OSBPL9: variants seen among roughly 807,000 people sequenced by gnomAD.
OSBPL9 encodes oxysterol binding protein like 9, also known as oxysterol-binding protein-related protein 9.
OSBPL9 carries 40 observed loss-of-function variants against 106.6 expected under a neutral mutation model. That is an observed-to-expected ratio of 0.38 (90% CI 0.29 to 0.49). The LOEUF is 0.49. Among genes scored for constraint, OSBPL9 ranks in the 20% least tolerant of loss-of-function variants. OSBPL9 has a pLI of 0.97. For missense variants in OSBPL9, 609 were observed against 887.2 expected (o/e 0.69, Z 3.98); for synonymous variants, 269 against 295.4 (o/e 0.91, Z 0.92).
intron 2 of OSBPL9, among the ~76,000 whole-genome samples, chr1:51,598,748 C>A (rs1316023165): frequency 6.6e-6 from 1 of 152,106 alleles, no homozygotes; most frequent in Non-Finnish European, 1.5e-5. Flanking sequence ...AATCCTAGCA[C>A]TTTGGGAGGC....
intron 2 of OSBPL9, among the ~76,000 whole-genome samples, chr1:51,663,039 T>C (rs1647464214): frequency 6.6e-6 from 1 of 152,124 alleles, no homozygotes; most frequent in East Asian, 1.9e-4. Context: ...CCACCGCACC[T>C]GGCCAATCAG....
At chr1:51,606,666 C>G (rs1643950508) in intron 2 of OSBPL9, among the ~76,000 whole-genome samples, 1 of 152,204 alleles carries the variant, frequency 6.6e-6, no homozygotes, top group African/African-American at 2.4e-5. Context: ...ACATAATTAC[C>G]TGGTGGTACT....
At chr1:51,657,024 A>G (rs917663679) in intron 2 of OSBPL9, among the ~76,000 whole-genome samples, 3 of 152,110 alleles carry the variant, frequency 2.0e-5, no homozygotes, top group African/African-American at 7.2e-5. Context: ...TACTTGTTAC[A>G]TTGTATTACA....
chr1:51,614,125 A>G (rs1483792591), upstream of OSBPL9, among the ~76,000 whole-genome samples: 1 of 152,076 alleles, frequency 6.6e-6, no homozygotes, highest in African/African-American at 2.4e-5. Flanking sequence ...ATTCCCAGAA[A>G]CCTTTATTAA....
At chr1:51,586,149 G>A (rs945123206) in intron 1 of OSBPL9, among the ~76,000 whole-genome samples, 4 of 151,246 alleles carry the variant, frequency 2.6e-5, no homozygotes, top group African/African-American at 9.7e-5. Flanking sequence ...ACTCCAGCCT[G>A]GGCAACAGAG....
chr1:51,560,797 G>A, the OSBPL9 span: 4 of 152,366 alleles, frequency 2.6e-5, no homozygotes, highest in African/African-American at 9.6e-5. Context: ...TTATCATCAT[G>A]GCTGGGGCAA....
chr1:51,546,225 C>T, the OSBPL9 span, among the ~76,000 whole-genome samples: 1 of 152,060 alleles, frequency 6.6e-6, no homozygotes, highest in African/African-American at 2.4e-5. Context: ...CCATGTTGCC[C>T]AGGCTGGTCT....
the OSBPL9 span, chr1:51,518,614 G>A: frequency 6.5e-6 from 1 of 152,696 alleles, no homozygotes. Flanking sequence ...TGGAGGCGAG[G>A]CTAACTACAT....
intron 23 of OSBPL9, 107 bp downstream of exon 23, chr1:51,787,595 G>A: frequency 6.2e-7 from 1 of 1,600,298 alleles, no homozygotes; most frequent in South Asian, 1.1e-5. Flanking sequence ...GATGATCGCT[G>A]GTCCCTACTT....
intron 3 of OSBPL9, among the ~76,000 whole-genome samples, chr1:51,681,320 G>C (rs927590542): frequency 2.6e-5 from 4 of 152,080 alleles, no homozygotes; most frequent in Non-Finnish European, 4.4e-5. Flanking sequence ...ATACTATAAA[G>C]TCCTTAATGA....
intron 2 of OSBPL9, among the ~76,000 whole-genome samples, chr1:51,656,845 T>G (rs558320075): frequency 1.3e-5 from 2 of 152,056 alleles, no homozygotes; most frequent in East Asian, 3.9e-4. Context: ...TTTTTTTTTT[T>G]TAGAGACGAG....
chr1:51,631,117 T>C (rs1557609844), intron 1 of OSBPL9, among the ~76,000 whole-genome samples: 1 of 151,982 alleles, frequency 6.6e-6, no homozygotes, highest in Non-Finnish European at 1.5e-5. Flanking sequence ...GTATGGGGAG[T>C]GCTGATTGGT....
intron 4 of OSBPL9, chr1:51,724,723 AAATT>A (rs1662799964): frequency 6.5e-6 from 1 of 152,778 alleles, no homozygotes; most frequent in Non-Finnish European, 1.4e-5. Context: ...AGTAGTTTGA[AAATT>A]ATATGCCTAG....
chr1:51,735,901 G>A (rs1170477939), intron 4 of OSBPL9, among the ~76,000 whole-genome samples: 3 of 152,056 alleles, frequency 2.0e-5, no homozygotes, highest in South Asian at 2.1e-4. Flanking sequence ...TCTTAAAAAC[G>A]TTTAGCCTTG....
chr1:51,612,847 G>T (rs184078878), upstream of OSBPL9, among the ~76,000 whole-genome samples: 4 of 152,356 alleles, frequency 2.6e-5, no homozygotes, highest in East Asian at 7.7e-4. Context: ...GATATAGCTT[G>T]CTGCTGGGGT....
intron 3 of OSBPL9, among the ~76,000 whole-genome samples, chr1:51,706,229 G>A (rs1223422296): frequency 1.1e-4 from 16 of 152,142 alleles, no homozygotes; most frequent in Admixed American, 1.0e-3. Context: ...ATATTAGAGT[G>A]TTTTTGACCT....
intron 2 of OSBPL9, among the ~76,000 whole-genome samples, chr1:51,611,215 C>A (rs148277077): frequency 2.1e-4 from 32 of 151,262 alleles, no homozygotes; most frequent in African/African-American, 7.5e-4. Flanking sequence ...TGATGTTTCA[C>A]TTTCTTGCTC....
intron 2 of OSBPL9, among the ~76,000 whole-genome samples, chr1:51,665,842 C>CAG (rs1648336375): frequency 1.3e-5 from 2 of 151,976 alleles, no homozygotes; most frequent in South Asian, 4.2e-4. Context: ...ACAGGTGCTC[C>CAG]AGAGAAATGT....
At chr1:51,650,762 A>G (rs1210259074) in intron 1 of OSBPL9, among the ~76,000 whole-genome samples, 1 of 152,162 alleles carries the variant, frequency 6.6e-6, no homozygotes, top group Non-Finnish European at 1.5e-5. Context: ...CAGTTGTTCA[A>G]GTATTAAGTA....
Sources: allele counts gnomAD v4.1 joint callset (sites outside exome capture counted in the v4.1 genomes callset), GRCh38; gene constraint gnomAD v4.1.1; transcripts MANE v1.5; gene names NCBI Gene and HGNC (gene_info 2026-07-23, HGNC 2026-07-21).